The following UGGT2 variants were observed in gnomAD, a reference collection of about 807,000 sequenced individuals.
UGGT2 encodes UDP-glucose glycoprotein glucosyltransferase 2.
UGGT2 carries 180 observed loss-of-function variants against 192.1 expected under a neutral mutation model. That is an observed-to-expected ratio of 0.94 (90% CI 0.83 to 1.06). The LOEUF is 1.06. Among genes scored for constraint, UGGT2 ranks in the 50% least tolerant of loss-of-function variants. UGGT2 has a pLI of 0.00. For synonymous variants in UGGT2, 580 were observed against 591.0 expected, an observed-to-expected ratio of 0.98 and a Z score of 0.27; for missense variants, 1,849 against 1,795.7, an observed-to-expected ratio of 1.03 and a Z score of -0.54.
At chr13:95,877,623 T>C in intron 28 of UGGT2, 75 bp downstream of exon 28, 1 of 1,492,122 alleles carries the variant, frequency 6.7e-7, no homozygotes, top group East Asian at 2.3e-5. Flanking sequence ...ATAAAGATTA[T>C]TTCATTTTAC....
chr13:95,902,740 T>C (rs2048144184), intron 21 of UGGT2, 114 bp downstream of exon 21: 1 of 1,018,118 alleles, frequency 9.8e-7, no homozygotes, highest in Non-Finnish European at 1.4e-6. Flanking sequence ...GGAATGTTTA[T>C]TATCTTCATT....
At chr13:95,879,970 C>A (rs1483907571) in intron 27 of UGGT2, among the ~76,000 whole-genome samples, 1 of 152,066 alleles carries the variant, frequency 6.6e-6, no homozygotes. Flanking sequence ...TACACACATG[C>A]CGTGGTGGTT....
At chr13:95,820,201 G>C (rs1023868379) in intron 38 of UGGT2, among the ~76,000 whole-genome samples, 1 of 151,518 alleles carries the variant, frequency 6.6e-6, no homozygotes, top group African/African-American at 2.4e-5. Flanking sequence ...TTTTTAAAGG[G>C]GATACTTTTT....
intron 12 of UGGT2, among the ~76,000 whole-genome samples, chr13:95,965,035 A>C (rs1170546382): frequency 2.0e-5 from 3 of 150,880 alleles, no homozygotes; most frequent in Non-Finnish European, 3.0e-5. Context: ...TCAAAACCAC[A>C]ATGAGATACC....
intron 38 of UGGT2, among the ~76,000 whole-genome samples, chr13:95,818,120 C>A (rs1037075240): frequency 2.0e-5 from 3 of 152,148 alleles, no homozygotes; most frequent in Non-Finnish European, 4.4e-5. Context: ...CAGCCCCGGG[C>A]AATGCAGTGA....
At chr13:95,889,826 C>A (rs17189895) in intron 25 of UGGT2, among the ~76,000 whole-genome samples, 3 of 151,968 alleles carry the variant, frequency 2.0e-5, no homozygotes, top group Non-Finnish European at 2.9e-5. Flanking sequence ...AGCCAGCCTG[C>A]GGACATTCTG....
intron 17 of UGGT2, among the ~76,000 whole-genome samples, chr13:95,934,916 A>G (rs550978875): frequency 7.7e-4 from 117 of 152,292 alleles, no homozygotes; most frequent in Admixed American, 1.4e-3. Context: ...ATAGGTGTGG[A>G]AGTATTTGTT....
At chr13:95,989,287 A>G (rs541227844) in intron 8 of UGGT2, among the ~76,000 whole-genome samples, 1 of 152,276 alleles carries the variant, frequency 6.6e-6, no homozygotes, top group East Asian at 1.9e-4. Context: ...ATCATCTGAG[A>G]TATAAAAGCT....
chr13:95,885,889 T>C (rs1354665922), intron 26 of UGGT2, among the ~76,000 whole-genome samples: 1 of 151,932 alleles, frequency 6.6e-6, no homozygotes, highest in Non-Finnish European at 1.5e-5. Flanking sequence ...GAATGAGATA[T>C]GAAGACAGAG....
chr13:95,942,493 T>C (rs1237278095), intron 15 of UGGT2, among the ~76,000 whole-genome samples: 13 of 152,166 alleles, frequency 8.5e-5, no homozygotes, highest in Admixed American at 7.9e-4. Flanking sequence ...TAGTCTTTAT[T>C]TGCATTTTTC....
chr13:95,929,626 T>G (rs1169534965), intron 17 of UGGT2, among the ~76,000 whole-genome samples: 1 of 152,232 alleles, frequency 6.6e-6, no homozygotes, highest in Non-Finnish European at 1.5e-5. Flanking sequence ...ACGATTTCAT[T>G]TTTAATGGGT....
At chr13:95,982,803 C>T (rs919435844) in intron 10 of UGGT2, among the ~76,000 whole-genome samples, 11 of 152,244 alleles carry the variant, frequency 7.2e-5, no homozygotes, top group African/African-American at 1.2e-4. Context: ...ACCACAAATC[C>T]GTTTTGAAGG....
At chr13:95,961,454 T>C (rs2050389093) in intron 12 of UGGT2, among the ~76,000 whole-genome samples, 1 of 152,144 alleles carries the variant, frequency 6.6e-6, no homozygotes, top group Non-Finnish European at 1.5e-5. Flanking sequence ...GGAATAGCTA[T>C]ACTTTTATCA....
chr13:96,043,043 T>C (rs144890591), intron 1 of UGGT2, among the ~76,000 whole-genome samples: 5 of 152,232 alleles, frequency 3.3e-5, no homozygotes, highest in Admixed American at 1.3e-4. Flanking sequence ...AAAAAGATCA[T>C]TGCCTAGGCA....
At chr13:95,888,100 C>T (rs1182112768) in intron 25 of UGGT2, 129 bp from the exon 26 acceptor site, 1 of 564,778 alleles carries the variant, frequency 1.8e-6, no homozygotes. Flanking sequence ...CTTACAACGC[C>T]CTGCTGAAAT....
At chr13:95,893,338 A>AAT (rs922163918) in intron 24 of UGGT2, among the ~76,000 whole-genome samples, 31 of 152,202 alleles carry the variant, frequency 2.0e-4, no homozygotes, top group African/African-American at 7.2e-4. Flanking sequence ...ACTGTGTTTA[A>AAT]ATATATATAT....
At position 95,877,815 on chromosome 13, in the gene UGGT2, T is replaced by G. The variant is rs1166589117; in HGVS notation, c.3270A>C (p.Leu1090Phe). The G allele has an allele frequency of 6.2e-6, 10 of 1,613,996 alleles. No individual in the cohort carries two copies. Among genetic ancestry groups the G allele is most frequent in the Non-Finnish European group, 8.5e-6 (10 of 1,179,954 alleles). Residue 1090 changes from leucine (L) to phenylalanine (F), a missense_variant, in exon 28 of 39, where the codon TTA (leucine) becomes TTC (phenylalanine). Physicochemically the swap from Leu to Phe is conservative, Grantham distance 22 (BLOSUM62 0). Coordinates refer to ENST00000376747, the MANE Select transcript of UGGT2 (RefSeq NM_020121.4). ...TATCAAAGCATTGTCCTTCCAGTAG[T>G]AAGTATTCTAGTTCATATTCTGCTG... is the stretch of plus-strand genomic sequence containing the variant. ...TVTAEYELEY[L>F]LLEGQCFDKV...
At chr13:95,906,596 T>C (rs2048299409) in intron 20 of UGGT2, among the ~76,000 whole-genome samples, 1 of 152,138 alleles carries the variant, frequency 6.6e-6, no homozygotes, top group Admixed American at 6.5e-5. Flanking sequence ...ATTAATAACA[T>C]AGTTTACAAA....
At chr13:95,901,443 G>A (rs1263246971) in intron 21 of UGGT2, among the ~76,000 whole-genome samples, 1 of 152,034 alleles carries the variant, frequency 6.6e-6, no homozygotes, top group Admixed American at 6.6e-5. Flanking sequence ...GACATTCACA[G>A]AAAATAAACC....
Sources: allele counts gnomAD v4.1 joint callset (sites outside exome capture counted in the v4.1 genomes callset), GRCh38; gene constraint gnomAD v4.1.1; transcripts MANE v1.5; gene names NCBI Gene and HGNC (gene_info 2026-07-23, HGNC 2026-07-21).